ZNF35: variants seen among roughly 807,000 people sequenced by gnomAD.
The protein encoded by ZNF35 is zinc finger protein 35 (clone HF.10).
Under a neutral mutation model 45.9 loss-of-function variants are expected in ZNF35, and 31 were observed. The observed-to-expected ratio is 0.68, with a 90% CI of 0.51 to 0.91. The LOEUF (loss-of-function observed/expected upper bound fraction) is 0.91, where lower values mean the gene tolerates loss of function less well. Among genes scored for constraint, ZNF35 ranks in the 40% least tolerant of loss-of-function variants. ZNF35 has a pLI of 0.00. For synonymous variants in ZNF35, 205 were observed against 220.2 expected, an observed-to-expected ratio of 0.93 and a Z score of 0.61; for missense variants, 515 against 625.4, an observed-to-expected ratio of 0.82 and a Z score of 1.88.
intron 3 of ZNF35, among the ~76,000 whole-genome samples, chr3:44,656,853 A>G (rs1703318077): frequency 7.0e-6 from 1 of 143,602 alleles, no homozygotes; most frequent in Admixed American, 7.0e-5. Context: ...ATGCACCACC[A>G]CACCTGGCTA....
At position 44,659,688 on chromosome 3, in the gene ZNF35, G is replaced by A. The variant is rs746645823; in HGVS notation, c.1325G>A (p.Gly442Glu). The change falls in exon 4 of 4, where the codon GGA (glycine) becomes GAA (glutamate). Residue 442 changes from glycine (G) to glutamate (E), a missense_variant. Transcript: ENST00000396056. This position sits in a 1 kb window ranked among gnomAD's most constrained non-coding sequence, Gnocchi z 4.3. ...ATTGTCCACCAGAGAATTCACAGTGGAGATCTTCCTTACGTGTGTAATGAA... is the reference window on the plus strand; with the variant it reads ...ATTGTCCACCAGAGAATTCACAGTGAAGATCTTCCTTACGTGTGTAATGAA... ...CLIVHQRIHSGDLPYVCNECG... is the reference protein window; with the variant it reads ...CLIVHQRIHSEDLPYVCNECG... 1.9e-6 allele frequency: 3 copies of A among 1,613,832 alleles called. No homozygotes were observed. The highest frequency in any genetic ancestry group is 4.5e-5 in the East Asian group (2 of 44,856).
At position 44,660,021 on chromosome 3, in the gene ZNF35, T is replaced by C; in HGVS notation, c.*74T>C. ...CCCTAATGAGACACCTCTTTGCTGT[T>C]TTCTTCCTCCTCTATAAAAGTGAGG... On this transcript the variant is annotated 3_prime_UTR_variant, in exon 4 of 4. Coordinates refer to ENST00000396056, the MANE Select transcript of ZNF35 (RefSeq NM_003420.4). The C allele has an allele frequency of 7.0e-7, 1 of 1,436,590 alleles. No individual in the cohort carries two copies. Among genetic ancestry groups the C allele is most frequent in the East Asian group, 2.3e-5 (1 of 43,230 alleles). 89.0% of individuals were successfully genotyped at this position (1,436,590 alleles called of 1,614,324 possible).
Position 44,658,933 on chromosome 3 carries a change from A to C in ZNF35, c.570A>C (p.Glu190Asp), listed in dbSNP as rs1703355721. 2 of 1,613,606 alleles carry C rather than the reference A, an allele frequency of 1.2e-6. No homozygotes were observed. Among genetic ancestry groups the C allele is most frequent in the Admixed American group, 3.3e-5 (2 of 59,870 alleles). ...NDCHLPESFK[E>D]EENQKCKKSG... ...GTCACTTACCTGAAAGCTTCAAAGA[A>C]GAGGAAAACCAGAAATGTAAGAAAT... Residue 190 changes from glutamate (E) to aspartate (D), a missense_variant, in exon 4 of 4, where the codon GAA becomes GAC. Glu to Asp is a conservative substitution (Grantham distance 45). This residue lies in a region of ZNF35 where 275 missense variants were observed against 295.7 expected (regional missense o/e 0.93). Coordinates refer to ENST00000396056, the MANE Select transcript of ZNF35 (RefSeq NM_003420.4).
chr3:44,648,526 T>G (rs543382555), upstream of ZNF35: 3 of 152,176 alleles, frequency 2.0e-5, no homozygotes, highest in Non-Finnish European at 2.9e-5. Context: ...GGTGCGCGCC[T>G]CGCCTGAGTG....
intron 3 of ZNF35, among the ~76,000 whole-genome samples, chr3:44,655,141 A>T (rs1180848981): frequency 3.3e-5 from 5 of 152,226 alleles, no homozygotes; most frequent in African/African-American, 7.2e-5. Flanking sequence ...CTAAAAAAAT[A>T]AATTAATTAA....
At chr3:44,653,542 AG>A (rs1703243571) in intron 3 of ZNF35, among the ~76,000 whole-genome samples, 1 of 152,240 alleles carries the variant, frequency 6.6e-6, no homozygotes, top group South Asian at 2.1e-4. Context: ...AGGTAGGAAC[AG>A]TCAACTTTTG....
upstream of ZNF35, chr3:44,647,768 G>A (rs1460462695): frequency 6.6e-6 from 1 of 152,144 alleles, no homozygotes; most frequent in Non-Finnish European, 1.5e-5. Context: ...ATGAAAAATG[G>A]ATTAATGGTT....
chr3:44,647,409 C>G (rs1002416428), upstream of ZNF35: 1 of 151,958 alleles, frequency 6.6e-6, no homozygotes, highest in African/African-American at 2.4e-5. Flanking sequence ...CTTGTAAAAC[C>G]ACACATGTAT....
chr3:44,652,707 G>T lies in ZNF35; in HGVS notation c.337+6G>T. 6.4e-7 allele frequency: 1 copy of T among 1,554,646 alleles called. No individual in the cohort carries two copies. The highest frequency in any genetic ancestry group is 1.2e-5 in the South Asian group (1 of 81,264). ...TGGGACCATGAACTTTCTAGGTATGGTTCAGTTCCCTGATTCTGAATCTGA... is the reference window on the plus strand; with the variant it reads ...TGGGACCATGAACTTTCTAGGTATGTTTCAGTTCCCTGATTCTGAATCTGA... On this transcript the variant is annotated splice_donor_region_variant and intron_variant, in intron 3 of 3. Transcript: ENST00000396056.
chr3:44,650,675 T>A (rs1703185254), intron 1 of ZNF35, among the ~76,000 whole-genome samples: 1 of 152,210 alleles, frequency 6.6e-6, no homozygotes, highest in Non-Finnish European at 1.5e-5. Context: ...CTTTTAAGTT[T>A]TTACAATAAA....
rs372043985 is a variant in ZNF35 at position 44,659,395 on chromosome 3, T to G, written c.1032T>G (p.Thr344=). Residue 344 remains threonine, a synonymous_variant, in exon 4 of 4, where the codon ACT becomes ACG. Transcript: ENST00000396056. This position sits in a 1 kb window ranked among gnomAD's most constrained non-coding sequence, Gnocchi z 4.3. ...GTAATGAATGTGGGAAAACATTTAC[T>G]AGGAGCTCAAACCTCATTGTCCACC... is the stretch of plus-strand genomic sequence containing the variant. ...YECNECGKTF[T]RSSNLIVHQR... 3.1e-6 allele frequency: 5 copies of G among 1,613,222 alleles called. No individual in the cohort carries two copies. The African/African-American group carries it at 6.7e-5, about 22-fold the overall frequency.
chr3:44,654,062 C>T (rs1375827933), intron 3 of ZNF35, among the ~76,000 whole-genome samples: 1 of 152,178 alleles, frequency 6.6e-6, no homozygotes, highest in Non-Finnish European at 1.5e-5. Context: ...GCTTTGTGTT[C>T]CATTCTCTCT....
chr3:44,653,882 TA>T (rs1703249461), intron 3 of ZNF35, among the ~76,000 whole-genome samples: 1 of 152,206 alleles, frequency 6.6e-6, no homozygotes, highest in South Asian at 2.1e-4. Flanking sequence ...GTCTGCCAGA[TA>T]TTGAATATTT....
At position 44,658,742 on chromosome 3, in the gene ZNF35, G is replaced by A; in HGVS notation, c.379G>A (p.Glu127Lys). ...KNLQLLVPKTEICEEAEKPLI... is the reference protein window; with the variant it reads ...KNLQLLVPKTKICEEAEKPLI... ...CCTACAGTTACTGGTTCCAAAAACTGAGATATGTGAGGAAGCTGAAAAACC... is the reference window on the plus strand; with the variant it reads ...CCTACAGTTACTGGTTCCAAAAACTAAGATATGTGAGGAAGCTGAAAAACC... Residue 127 changes from glutamate to lysine, a missense_variant, in exon 4 of 4, where the codon GAG becomes AAG. Glu to Lys is a moderately conservative substitution (Grantham distance 56). Around this residue, in one of 3 missense-constraint regions of ZNF35, gnomAD observed 275 missense variants for 295.7 expected, o/e 0.93. Transcript: ENST00000396056. 6.3e-7 allele frequency: 1 copy of A among 1,583,622 alleles called. No homozygotes were observed. The highest frequency in any genetic ancestry group is 1.2e-5 in the South Asian group (1 of 84,578).
intron 3 of ZNF35, among the ~76,000 whole-genome samples, chr3:44,653,126 C>T (rs189461049): frequency 2.0e-4 from 30 of 152,248 alleles, no homozygotes; most frequent in Middle Eastern, 3.4e-3. Flanking sequence ...AAAAGGCATG[C>T]GGTTTATGTC....
At chr3:44,657,067 T>C (rs1703322860) in intron 3 of ZNF35, among the ~76,000 whole-genome samples, 1 of 152,208 alleles carries the variant, frequency 6.6e-6, no homozygotes, top group Non-Finnish European at 1.5e-5. Context: ...ATTTCTTTCC[T>C]CTGACACTGC....
intron 3 of ZNF35, among the ~76,000 whole-genome samples, chr3:44,657,574 G>A (rs555399676): frequency 6.6e-6 from 1 of 152,322 alleles, no homozygotes; most frequent in South Asian, 2.1e-4. Context: ...ATTAGGTTCT[G>A]AAGCAATGTA....
In ZNF35 at chr3:44,660,761, A is replaced by C. The variant is rs1575519443; in HGVS notation, c.*814A>C. 6.6e-6 allele frequency: 1 copy of C among 152,232 alleles called. No homozygotes were observed. Among genetic ancestry groups the C allele is most frequent in the African/African-American group, 2.4e-5 (1 of 41,460 alleles). 9.4% of individuals were successfully genotyped at this position (152,232 alleles called of 1,614,324 possible). ...AGCCCCTTCCTGGATGAAGGAGTCAAAGAATAAAGCTTGCCTAGAGGCATG... is the reference window on the plus strand; with the variant it reads ...AGCCCCTTCCTGGATGAAGGAGTCACAGAATAAAGCTTGCCTAGAGGCATG... On this transcript the variant is annotated 3_prime_UTR_variant, in exon 4 of 4. Transcript: ENST00000396056.
At position 44,659,735 on chromosome 3, in the gene ZNF35, A is replaced by G. The variant is rs964003109; in HGVS notation, c.1372A>G (p.Ser458Gly). The G allele has an allele frequency of 1.9e-6, 3 of 1,614,090 alleles. No individual in the cohort carries two copies. The African/African-American group carries it at 4.0e-5, about 22-fold the overall frequency. The change falls in exon 4 of 4, where the codon AGC (serine) becomes GGC (glycine). Residue 458 changes from serine to glycine, a missense_variant. Around this residue, in one of 3 missense-constraint regions of ZNF35, gnomAD observed 232 missense variants for 304.6 expected, o/e 0.76. Transcript: ENST00000396056. This position sits in a 1 kb window ranked among gnomAD's most constrained non-coding sequence, Gnocchi z 4.3. ...TGAATGTGGGAAGGCCTTCACATGTAGCTCATACCTACTTATTCATCAGAG... is the reference window on the plus strand; with the variant it reads ...TGAATGTGGGAAGGCCTTCACATGTGGCTCATACCTACTTATTCATCAGAG... ...CNECGKAFTC[S>G]SYLLIHQRIH...
Sources: allele counts gnomAD v4.1 joint callset (sites outside exome capture counted in the v4.1 genomes callset), GRCh38; gene constraint gnomAD v4.1.1; regional missense constraint gnomAD v4.1.1; non-coding constraint Gnocchi (gnomAD v3.1); transcripts MANE v1.5; gene names NCBI Gene and HGNC (gene_info 2026-07-23, HGNC 2026-07-21).